Variants in AVEN observed in about 807,000 individuals in gnomAD.
AVEN encodes the protein cell death regulator Aven.
In AVEN, 41 loss-of-function variants were observed where a neutral mutation model predicts 38.1. That is an observed-to-expected ratio of 1.08 (90% CI 0.84 to 1.40). The LOEUF (loss-of-function observed/expected upper bound fraction) is 1.40, where lower values mean the gene tolerates loss of function less well. Ranked by LOEUF, AVEN falls within the 40% of genes most tolerant of loss-of-function variation. The pLI is 0.00. For synonymous variants in AVEN, 206 were observed against 171.8 expected (o/e 1.20, Z -1.56); for missense variants, 605 against 438.8 (o/e 1.38, Z -3.38).
At chr15:33,855,154 A>G (rs1469412061), downstream of AVEN, among the ~76,000 whole-genome samples, 1 of 152,184 alleles carries the variant, frequency 6.6e-6, no homozygotes, top group African/African-American at 2.4e-5. Context: ...CATTTAGATC[A>G]ACCAGGAGAG....
chr15:34,060,284 A>G (rs1426400095), intron 5 of AVEN, among the ~76,000 whole-genome samples: 2 of 152,208 alleles, frequency 1.3e-5, no homozygotes, highest in East Asian at 3.8e-4. Flanking sequence ...TTCGTGGGTC[A>G]GTTAGACTGC....
chr15:33,989,641 A>T (rs903574498), intron 2 of AVEN, among the ~76,000 whole-genome samples: 4 of 152,000 alleles, frequency 2.6e-5, no homozygotes, highest in African/African-American at 9.7e-5. Flanking sequence ...TTCATGTTTC[A>T]TGTGTTTTAT....
intron 1 of AVEN, among the ~76,000 whole-genome samples, chr15:34,032,647 G>A (rs1241053073): frequency 6.6e-6 from 1 of 152,162 alleles, no homozygotes; most frequent in Non-Finnish European, 1.5e-5. Flanking sequence ...GATTTTCCAA[G>A]GAGTATATGA....
At chr15:33,893,724 T>A (rs1208596913) in intron 2 of AVEN, among the ~76,000 whole-genome samples, 1 of 152,146 alleles carries the variant, frequency 6.6e-6, no homozygotes, top group East Asian at 1.9e-4. Context: ...TTAAAGCTGG[T>A]GATAGGAAAA....
chr15:33,859,540 C>G (rs1171693111), intron 11 of AVEN: 9 of 1,612,120 alleles, frequency 5.6e-6, no homozygotes, highest in Non-Finnish European at 7.6e-6. Context: ...AGAACTGTGA[C>G]TTTTGCCTAA....
intron 2 of AVEN, among the ~76,000 whole-genome samples, chr15:33,929,940 A>C (rs2153050359): frequency 6.6e-6 from 1 of 152,340 alleles, no homozygotes; most frequent in South Asian, 2.1e-4. Flanking sequence ...ATGAAATAGA[A>C]GTATGCTCAA....
chr15:33,876,112 G>T, intron 2 of AVEN, 117 bp from the exon 3 acceptor site: 1 of 871,382 alleles, frequency 1.1e-6, no homozygotes, highest in Non-Finnish European at 1.8e-6. Context: ...CAAAGGGAGA[G>T]GCAAGGATAA....
Position 34,039,020 on chromosome 15 carries a change from T to C in AVEN, c.27A>G (p.Gly9=). The C allele has an allele frequency of 2.7e-6, 3 of 1,120,072 alleles. No homozygotes were observed. Among genetic ancestry groups the C allele is most frequent in the South Asian group, 7.5e-5 (2 of 26,558 alleles). The allele number at this position is 1,120,072 out of a possible 1,614,324, so 69.4% of individuals were successfully genotyped here. A position where few individuals can be genotyped will look rare whatever the true frequency, so the allele number is the denominator to read the frequency against. Residue 9 remains glycine (G), a synonymous_variant, in exon 1 of 6, where the codon GGA becomes GGG. Transcript: ENST00000306730. MQAERGAR[G]GRGRRPGRGR... is the part of the protein sequence containing the mutation. ...CGCGGCCTGGCCGCCGCCCACGGCC[T>C]CCCCGAGCTCCTCGCTCCGCCTGCA...
rs1229139998 is a variant in AVEN, at chr15:33,871,035, A to G, written c.517-5T>C. On this transcript the variant is annotated splice_region_variant and splice_polypyrimidine_tract_variant and intron_variant, in intron 3 of 5. Coordinates refer to ENST00000306730, the MANE Select transcript of AVEN (RefSeq NM_020371.3). Reference sequence around the variant, plus strand: ...ATCCACATAAAATGCTGAATTCTATATATATATATAAAAGAAAATAAAATA... The same window carrying G: ...ATCCACATAAAATGCTGAATTCTATGTATATATATAAAAGAAAATAAAATA... The G allele has an allele frequency of 1.4e-6, 2 of 1,445,380 alleles. No homozygotes were observed. Among genetic ancestry groups the G allele is most frequent in the Non-Finnish European group, 1.8e-6 (2 of 1,088,206 alleles). 89.5% of individuals were successfully genotyped at this position (1,445,380 alleles called of 1,614,324 possible).
Position 33,947,929 on chromosome 15 carries a change from T to C in AVEN, c.445+55103A>G, listed in dbSNP as rs1011202449. Among the ~76,000 whole-genome samples, 3 of 152,272 alleles carry C rather than the reference T, an allele frequency of 2.0e-5. No individual in the cohort carries two copies. In the East Asian group the frequency reaches 5.8e-4, roughly 29 times the overall value. ...AGATTTCTGCTAGGTAGAAAATACA[T>C]GAACAATTCTGCTTTAAAGGTTTTT... is the stretch of plus-strand genomic sequence containing the variant. On this transcript the variant is annotated intron_variant, in intron 2 of 5. Transcript: ENST00000306730.
At chr15:34,015,222 G>A (rs575170398) in intron 1 of AVEN, among the ~76,000 whole-genome samples, 2 of 152,254 alleles carry the variant, frequency 1.3e-5, no homozygotes, top group East Asian at 1.9e-4. Flanking sequence ...AGTGGCTCAC[G>A]CCTGTAATCC....
intron 2 of AVEN, among the ~76,000 whole-genome samples, chr15:33,982,763 T>C (rs924500383): frequency 6.6e-6 from 1 of 151,036 alleles, no homozygotes; most frequent in Admixed American, 6.6e-5. Flanking sequence ...CCCATGATGT[T>C]TTCCCCTTAT....
chr15:33,882,329 GATGTAC>G (rs1208821075), intron 2 of AVEN, among the ~76,000 whole-genome samples: 1 of 152,170 alleles, frequency 6.6e-6, no homozygotes, highest in Non-Finnish European at 1.5e-5. Context: ...TAGCAAAACT[GATGTAC>G]ATGAAGAGTT....
chr15:33,946,626 G>GT, intron 2 of AVEN, among the ~76,000 whole-genome samples: 1 of 152,256 alleles, frequency 6.6e-6, no homozygotes, highest in East Asian at 1.9e-4. Flanking sequence ...AGGCCGGTGG[G>GT]TAGGAAGCGT....
In AVEN at chr15:33,914,589, T is replaced by G. The variant is rs80219332; in HGVS notation, c.446-38594A>C. On this transcript the variant is annotated intron_variant, in intron 2 of 5. Transcript: ENST00000306730. ...TATAAATTCCTTTTTAACAGGCATA[T>G]AGGGAAACCATACTAGATGAGTTAT... 3.4e-3 allele frequency among the ~76,000 whole-genome samples: 505 copies of G among 149,890 alleles called. 3 individuals carry two copies. The highest frequency in any genetic ancestry group is 6.2e-3 in the Non-Finnish European group (416 of 67,634).
intron 2 of AVEN, among the ~76,000 whole-genome samples, chr15:33,956,243 A>C (rs1436022141): frequency 6.6e-6 from 1 of 152,052 alleles, no homozygotes; most frequent in Non-Finnish European, 1.5e-5. Flanking sequence ...GTCCTGCTCT[A>C]ATGTGCTGGC....
chr15:34,064,195 T>A, intron 4 of AVEN: 2 of 1,614,202 alleles, frequency 1.2e-6, no homozygotes, highest in Non-Finnish European at 1.7e-6. Flanking sequence ...GTCAACCCCA[T>A]CTGCTATGCC....
chr15:34,010,077 TTAACA>T (rs1897570915), intron 1 of AVEN, among the ~76,000 whole-genome samples: 1 of 151,992 alleles, frequency 6.6e-6, no homozygotes, highest in Admixed American at 6.6e-5. Context: ...AATAGAAAGT[TTAACA>T]ATAATAGTTA....
intron 2 of AVEN, among the ~76,000 whole-genome samples, chr15:33,944,321 C>G (rs1288005599): frequency 6.6e-6 from 1 of 152,118 alleles, no homozygotes; most frequent in Non-Finnish European, 1.5e-5. Flanking sequence ...ATCAGAGAAA[C>G]CCACAAGACC....
Sources: gnomAD v4.1 joint callset for allele counts (sites outside exome capture counted in the v4.1 genomes callset) on GRCh38, gnomAD v4.1.1 for gene constraint, MANE v1.5 for transcripts, NCBI Gene and HGNC (gene_info 2026-07-23, HGNC 2026-07-21) for gene names.